PPARGC1A: variants seen among roughly 807,000 people sequenced by gnomAD.
The protein encoded by PPARGC1A is peroxisome proliferator-activated receptor gamma coactivator 1-alpha.
Under a neutral mutation model 88.7 loss-of-function variants are expected in PPARGC1A, and 25 were observed. That is an observed-to-expected ratio of 0.28 (90% CI 0.21 to 0.39). PPARGC1A has a LOEUF of 0.39. Ranked by LOEUF, PPARGC1A falls within the 10% of genes least tolerant of loss-of-function variation. The probability of loss-of-function intolerance (pLI) is 1.00; values close to 1 mark genes in which losing one functional copy is unlikely to be tolerated. For missense variants in PPARGC1A, 880 were observed against 968.7 expected, an observed-to-expected ratio of 0.91 and a Z score of 1.22; for synonymous variants, 363 against 355.6, an observed-to-expected ratio of 1.02 and a Z score of -0.24.
At chr4:23,990,374 C>T in the PPARGC1A span, among the ~76,000 whole-genome samples, 1 of 151,692 alleles carries the variant, frequency 6.6e-6, no homozygotes, top group Non-Finnish European at 1.5e-5. Context: ...ATTAGTGCAG[C>T]AATTACACAG....
At chr4:24,146,575 T>C in the PPARGC1A span, among the ~76,000 whole-genome samples, 1 of 152,338 alleles carries the variant, frequency 6.6e-6, no homozygotes, top group African/African-American at 2.4e-5. Flanking sequence ...AGGAGGCATA[T>C]ATTAAAGATC....
intron 2 of PPARGC1A, among the ~76,000 whole-genome samples, chr4:23,834,286 C>T (rs956633354): frequency 6.6e-6 from 1 of 151,164 alleles, no homozygotes; most frequent in African/African-American, 2.4e-5. Context: ...GGCGACACAG[C>T]GAGACTCTGT....
the PPARGC1A span, among the ~76,000 whole-genome samples, chr4:24,261,800 T>C: frequency 4.4e-5 from 3 of 68,244 alleles, no homozygotes; most frequent in Non-Finnish European, 1.5e-4. Context: ...GCATGTCAAT[T>C]TTTTTTCCTC....
At chr4:24,075,155 G>A in the PPARGC1A span, among the ~76,000 whole-genome samples, 71 of 152,222 alleles carry the variant, frequency 4.7e-4, 1 homozygote, top group Middle Eastern at 0.024. Context: ...CAGAGAACAG[G>A]GCTTGTCATC....
the PPARGC1A span, among the ~76,000 whole-genome samples, chr4:24,457,607 G>A: frequency 2.0e-5 from 3 of 152,040 alleles, no homozygotes; most frequent in Admixed American, 6.6e-5. Context: ...GTGCAGTGGC[G>A]CAAACTCGGG....
At chr4:23,899,092 C>G (rs777851043) in intron 1 of PPARGC1A, among the ~76,000 whole-genome samples, 2 of 151,394 alleles carry the variant, frequency 1.3e-5, no homozygotes, top group East Asian at 1.9e-4. Flanking sequence ...CACCCCCCCC[C>G]GGCCTTGGCC....
chr4:23,900,634 C>A (rs1360372202), upstream of PPARGC1A, among the ~76,000 whole-genome samples: 1 of 152,180 alleles, frequency 6.6e-6, no homozygotes, highest in African/African-American at 2.4e-5. Context: ...CACCTGCCTT[C>A]CTCACCTAAG....
chr4:24,324,396 C>A, the PPARGC1A span, among the ~76,000 whole-genome samples: 1 of 152,054 alleles, frequency 6.6e-6, no homozygotes, highest in Non-Finnish European at 1.5e-5. Context: ...ATGCCCCAAC[C>A]CCTTCTCTGC....
chr4:23,882,220 C>T (rs1716079688), intron 2 of PPARGC1A: 1 of 152,262 alleles, frequency 6.6e-6, no homozygotes, highest in South Asian at 2.1e-4. Flanking sequence ...CACTTTTGCC[C>T]TCTGACACTA....
chr4:24,443,069 T>C, the PPARGC1A span, among the ~76,000 whole-genome samples: 3 of 152,148 alleles, frequency 2.0e-5, no homozygotes, highest in Non-Finnish European at 2.9e-5. Context: ...TTGTATGTAG[T>C]TCCTGGGATC....
the PPARGC1A span, among the ~76,000 whole-genome samples, chr4:24,141,455 T>C: frequency 6.6e-6 from 1 of 152,248 alleles, no homozygotes; most frequent in African/African-American, 2.4e-5. Context: ...CTGGGGTTTA[T>C]TAACCAGCTC....
At chr4:24,115,699 G>A in the PPARGC1A span, among the ~76,000 whole-genome samples, 2 of 152,014 alleles carry the variant, frequency 1.3e-5, no homozygotes, top group East Asian at 1.9e-4. Flanking sequence ...ATATATCAAC[G>A]ACATAGCATT....
At chr4:24,053,694 A>G in the PPARGC1A span, among the ~76,000 whole-genome samples, 34 of 152,236 alleles carry the variant, frequency 2.2e-4, no homozygotes, top group African/African-American at 5.5e-4. Flanking sequence ...AAGATACTTC[A>G]CCTCTCTGTG....
the PPARGC1A span, among the ~76,000 whole-genome samples, chr4:24,179,154 T>C: frequency 1.3e-5 from 2 of 152,178 alleles, no homozygotes; most frequent in Admixed American, 1.3e-4. Flanking sequence ...TAGTTGCAAC[T>C]GTGAGAGCTG....
At chr4:23,842,140 C>A (rs981324100) in intron 2 of PPARGC1A, among the ~76,000 whole-genome samples, 4 of 152,088 alleles carry the variant, frequency 2.6e-5, no homozygotes, top group Admixed American at 2.0e-4. Context: ...ACATAGCATG[C>A]ATTTATTGTC....
the PPARGC1A span, among the ~76,000 whole-genome samples, chr4:24,123,910 C>CAAAAAAAAAAAAAAAAAA: frequency 8.1e-6 from 1 of 123,442 alleles, no homozygotes; most frequent in Non-Finnish European, 1.7e-5. Flanking sequence ...TCTAAGTTGG[C>CAAAAAAAAAAAAAAAAAA]AAAAAAAAAA....
At chr4:23,819,123 C>T (rs1722526760) in intron 7 of PPARGC1A, among the ~76,000 whole-genome samples, 2 of 152,024 alleles carry the variant, frequency 1.3e-5, no homozygotes, top group African/African-American at 2.4e-5. Flanking sequence ...AGAGGGAAAG[C>T]TGATATTCAC....
At chr4:24,065,077 A>G in the PPARGC1A span, among the ~76,000 whole-genome samples, 1 of 152,198 alleles carries the variant, frequency 6.6e-6, no homozygotes, top group South Asian at 2.1e-4. Flanking sequence ...TCCATGGAGA[A>G]GACACCATAG....
chr4:24,217,556 AC>A, the PPARGC1A span, among the ~76,000 whole-genome samples: 5 of 152,252 alleles, frequency 3.3e-5, no homozygotes, highest in Non-Finnish European at 5.9e-5. Flanking sequence ...TAATCCCAGC[AC>A]CTTGGGAGGC....
Sources: allele counts gnomAD v4.1 joint callset (sites outside exome capture counted in the v4.1 genomes callset), GRCh38; gene constraint gnomAD v4.1.1; transcripts MANE v1.5; gene names NCBI Gene and HGNC (gene_info 2026-07-23, HGNC 2026-07-21).